The following DAPK1 variants were observed in gnomAD, a reference collection of about 807,000 sequenced individuals.
The protein encoded by DAPK1 is death associated protein kinase 1.
A neutral mutation model predicts 144.9 loss-of-function variants in DAPK1; 56 were observed. That is an observed-to-expected ratio of 0.39 (90% CI 0.31 to 0.48). The LOEUF is 0.48. Ranked by LOEUF, DAPK1 falls within the 20% of genes least tolerant of loss-of-function variation. The pLI is 0.95. For missense variants in DAPK1, 1,454 were observed against 1,875.4 expected, an observed-to-expected ratio of 0.78 and a Z score of 4.15; for synonymous variants, 690 against 749.0, an observed-to-expected ratio of 0.92 and a Z score of 1.29.
At chr9:87,677,670 G>C (rs943490601) in intron 19 of DAPK1, among the ~76,000 whole-genome samples, 1 of 152,224 alleles carries the variant, frequency 6.6e-6, no homozygotes, top group African/African-American at 2.4e-5. Context: ...TGTGGCAGGA[G>C]CTGCGTTCAG....
intron 12 of DAPK1, 75 bp downstream of exon 12, chr9:87,646,089 C>T: frequency 6.6e-7 from 1 of 1,520,762 alleles, no homozygotes; most frequent in Non-Finnish European, 8.9e-7. Flanking sequence ...AGGAAAGACC[C>T]CATCTGCTTC....
chr9:87,618,455 T>C (rs1304161830), intron 3 of DAPK1, among the ~76,000 whole-genome samples: 2 of 152,244 alleles, frequency 1.3e-5, no homozygotes, highest in Admixed American at 6.5e-5. Flanking sequence ...CATGAAAATA[T>C]ATTTCCACAT....
rs1452702319 is a variant in DAPK1 at position 87,703,078 on chromosome 9, C to G, written c.2921C>G (p.Pro974Arg). 6.2e-7 allele frequency: 1 copy of G among 1,601,988 alleles called. No homozygotes were observed. Among genetic ancestry groups the G allele is most frequent in the Non-Finnish European group, 8.6e-7 (1 of 1,169,002 alleles). ...HLCEKIISTL[P>R]SWRKLNGPNQ... Reference sequence around the variant, plus strand: ...TGTGAGAAAATCATCTCCACGCTGCCTTCCTGGAGGAAGCTCAATGGACCC... The same window carrying G: ...TGTGAGAAAATCATCTCCACGCTGCGTTCCTGGAGGAAGCTCAATGGACCC... The change falls in exon 25 of 26, where the codon CCT becomes CGT. Residue 974 changes from proline (P) to arginine (R), a missense_variant. Pro to Arg is a moderately radical substitution (Grantham distance 103, BLOSUM62 -2). Coordinates refer to ENST00000408954, the MANE Select transcript of DAPK1 (RefSeq NM_004938.4).
intron 16 of DAPK1, 68 bp downstream of exon 16, chr9:87,650,186 C>A (rs1373244011): frequency 6.6e-7 from 1 of 1,520,346 alleles, no homozygotes; most frequent in Non-Finnish European, 9.1e-7. Context: ...CCACAAGACT[C>A]CTCAGTTTGT....
At chr9:87,632,560 G>A (rs1460524861) in intron 3 of DAPK1, 1 of 974,280 alleles carries the variant, frequency 1.0e-6, no homozygotes, top group Non-Finnish European at 1.2e-6. Context: ...AGGGATGAAG[G>A]AGGATGAGTA....
chr9:87,642,234 T>C (rs1830123152), intron 10 of DAPK1, among the ~76,000 whole-genome samples, 176 bp downstream of exon 10: 1 of 152,196 alleles, frequency 6.6e-6, no homozygotes, highest in African/African-American at 2.4e-5. Flanking sequence ...GCAAAAACAA[T>C]ATTTTAGTCA....
chr9:87,618,655 A>G (rs543737618), intron 3 of DAPK1, among the ~76,000 whole-genome samples: 2 of 152,316 alleles, frequency 1.3e-5, no homozygotes, highest in South Asian at 4.1e-4. Context: ...GCCAGACCCA[A>G]TAGACCACCC....
intron 2 of DAPK1, among the ~76,000 whole-genome samples, chr9:87,555,401 T>C (rs934842707): frequency 1.3e-5 from 2 of 152,204 alleles, no homozygotes; most frequent in Non-Finnish European, 2.9e-5. Flanking sequence ...AATGACACCC[T>C]GGGGCTATCT....
intron 2 of DAPK1, among the ~76,000 whole-genome samples, chr9:87,585,843 TCAAA>T (rs374076457): frequency 1.3e-3 from 191 of 152,352 alleles, no homozygotes; most frequent in African/African-American, 4.3e-3. Context: ...ACACTGGGGT[TCAAA>T]CACTCAGAAA....
rs2274609 is a variant in DAPK1 at position 87,645,641 on chromosome 9, T to C, written c.1012-254T>C. 6.9e-3 allele frequency among the ~76,000 whole-genome samples: 1,048 copies of C among 152,336 alleles called. 25 individuals carry two copies. The highest frequency in any genetic ancestry group is 0.066 in the East Asian group (342 of 5,174). ...TCATCATTATTTGAAATCTGGATCT[T>C]GGACATTGTGTCTCTGGGCTATACT... On this transcript the variant is annotated intron_variant, in intron 11 of 25. Coordinates refer to ENST00000408954, the MANE Select transcript of DAPK1 (RefSeq NM_004938.4).
At chr9:87,534,911 C>G (rs560138137) in intron 2 of DAPK1, among the ~76,000 whole-genome samples, 28 of 152,240 alleles carry the variant, frequency 1.8e-4, no homozygotes, top group African/African-American at 6.7e-4. Context: ...TCCTAAAGTG[C>G]TGGGATTACA....
At position 87,641,961 on chromosome 9, in the gene DAPK1, T is replaced by A. The variant is rs563266740; in HGVS notation, c.829-8T>A. On this transcript the variant is annotated splice_polypyrimidine_tract_variant and splice_region_variant and intron_variant, in intron 9 of 25. Transcript: ENST00000408954. ...GCTTTAATTTTTTTTCTTGGATTTT[T>A]ATTTTAGCCTAAAGATACACAACAG... 6.3e-7 allele frequency: 1 copy of A among 1,592,826 alleles called. No individual in the cohort carries two copies. Among genetic ancestry groups the A allele is most frequent in the African/African-American group, 1.4e-5 (1 of 73,884 alleles).
At chr9:87,547,275 T>G (rs1211470005) in intron 2 of DAPK1, among the ~76,000 whole-genome samples, 4 of 152,182 alleles carry the variant, frequency 2.6e-5, no homozygotes, top group African/African-American at 9.6e-5. Context: ...ATGATGATGA[T>G]GCCAAGAACT....
At chr9:87,675,951 G>A (rs1246817230) in intron 19 of DAPK1, among the ~76,000 whole-genome samples, 1 of 148,158 alleles carries the variant, frequency 6.7e-6, no homozygotes, top group Non-Finnish European at 1.5e-5. Flanking sequence ...TTGGAGTTCG[G>A]TTCTGCCTCC....
At chr9:87,663,330 C>A (rs1435176577) in intron 18 of DAPK1, among the ~76,000 whole-genome samples, 1 of 152,154 alleles carries the variant, frequency 6.6e-6, no homozygotes, top group Non-Finnish European at 1.5e-5. Context: ...ATAAGACAAA[C>A]ACCTTTGAAT....
intron 2 of DAPK1, among the ~76,000 whole-genome samples, chr9:87,548,913 C>CTTTTTTTTTTTTTTTTTTTTTTTTTTT (rs11291160): frequency 1.6e-5 from 1 of 63,870 alleles, no homozygotes; most frequent in African/African-American, 6.6e-5. Flanking sequence ...GATTTCATTC[C>CTTTTTTTTTTTTTTTTTTTTTTTTTTT]TTTTTTTTTT....
intron 3 of DAPK1, chr9:87,632,704 A>C (rs1201880551): frequency 1.0e-6 from 1 of 980,252 alleles, no homozygotes; most frequent in African/African-American, 1.8e-5. Context: ...ATGAAGGAAG[A>C]TGAGTATACA....
chr9:87,662,619 T>C, intron 18 of DAPK1, among the ~76,000 whole-genome samples: 1 of 144,436 alleles, frequency 6.9e-6, no homozygotes. Context: ...CCTTCCTGAT[T>C]TGGGGCTGGA....
Position 87,499,728 on chromosome 9 carries a change from A to G in DAPK1, c.62+589A>G, listed in dbSNP as rs146665652. ...ACAATGTTAAATTTTTAACAAATCA[A>G]TGAGAGTCTAATATGGCTATCTGGA... On this transcript the variant is annotated intron_variant, in intron 2 of 25. Transcript: ENST00000408954. 5.9e-5 allele frequency among the ~76,000 whole-genome samples: 9 copies of G among 152,288 alleles called. No homozygotes were observed. In the East Asian group the frequency reaches 1.5e-3, roughly 26 times the overall value.
Sources: gnomAD v4.1 joint callset for allele counts (sites outside exome capture counted in the v4.1 genomes callset) on GRCh38, gnomAD v4.1.1 for gene constraint, MANE v1.5 for transcripts, NCBI Gene and HGNC (gene_info 2026-07-23, HGNC 2026-07-21) for gene names.